Variants in PDE4B observed in about 807,000 individuals in gnomAD.
PDE4B encodes the protein phosphodiesterase 4B, also known as 3',5'-cyclic-AMP phosphodiesterase 4B.
A neutral mutation model predicts 82.2 loss-of-function variants in PDE4B; 20 were observed. That is an observed-to-expected ratio of 0.24 (90% CI 0.17 to 0.35). The LOEUF (loss-of-function observed/expected upper bound fraction) is 0.35, where lower values mean the gene tolerates loss of function less well. Ranked by LOEUF, PDE4B falls within the 10% of genes least tolerant of loss-of-function variation. The probability of loss-of-function intolerance (pLI) is 1.00; values close to 1 mark genes in which losing one functional copy is unlikely to be tolerated. For missense variants in PDE4B, 655 were observed against 907.2 expected (o/e 0.72, Z 3.57); for synonymous variants, 320 against 318.9 (o/e 1.00, Z -0.04).
At chr1:66,114,993 G>A (rs575764561) in intron 3 of PDE4B, among the ~76,000 whole-genome samples, 4 of 152,270 alleles carry the variant, frequency 2.6e-5, no homozygotes, top group Admixed American at 2.6e-4. Context: ...AAATTGGGGA[G>A]TTTACAATCC....
chr1:65,894,562 T>C (rs1646888336), intron 1 of PDE4B, among the ~76,000 whole-genome samples: 1 of 152,150 alleles, frequency 6.6e-6, no homozygotes, highest in Non-Finnish European at 1.5e-5. Flanking sequence ...TTAAAAGACA[T>C]TGTGCAGAAA....
At chr1:66,198,815 G>C (rs1648582938) in intron 3 of PDE4B, among the ~76,000 whole-genome samples, 1 of 148,500 alleles carries the variant, frequency 6.7e-6, no homozygotes, top group Admixed American at 6.8e-5. Context: ...CTGTGTCCAT[G>C]TGTTCTCGTT....
chr1:66,198,770 C>T (rs1570449369), intron 3 of PDE4B, among the ~76,000 whole-genome samples: 1 of 151,922 alleles, frequency 6.6e-6, no homozygotes, highest in Non-Finnish European at 1.5e-5. Context: ...TTCCCCCCAC[C>T]CCACAACAGT....
chr1:66,237,133 A>G (rs1304556308), intron 3 of PDE4B, among the ~76,000 whole-genome samples: 1 of 152,124 alleles, frequency 6.6e-6, no homozygotes, highest in Non-Finnish European at 1.5e-5. Context: ...TTCCACTTCT[A>G]CTTTCTCTGC....
chr1:65,904,326 C>T (rs1647004331), intron 1 of PDE4B, among the ~76,000 whole-genome samples: 1 of 152,016 alleles, frequency 6.6e-6, no homozygotes, highest in African/African-American at 2.4e-5. Flanking sequence ...GGATCAAAGT[C>T]TAATTTAGAA....
Position 66,174,827 on chromosome 1 carries a change from G to A in PDE4B, c.282-72633G>A, listed in dbSNP as rs562504269. Among the ~76,000 whole-genome samples the A allele has an allele frequency of 5.3e-5, 8 of 152,154 alleles. No homozygotes were observed. The South Asian group carries it at 1.7e-3, about 32-fold the overall frequency. On this transcript the variant is annotated intron_variant, in intron 3 of 16. Transcript: ENST00000341517. ...GAGACTGGGTAATTTATAAAGAAAA[G>A]AGATTTGATTTACTCGCAGTTCCAC...
Position 65,872,663 on chromosome 1 carries a change from T to A in PDE4B, c.-70-40582T>A, listed in dbSNP as rs1422234215. 2.0e-5 allele frequency among the ~76,000 whole-genome samples: 3 copies of A among 152,222 alleles called. No individual in the cohort carries two copies. The East Asian group carries it at 5.8e-4, about 29-fold the overall frequency. On this transcript the variant is annotated intron_variant, in intron 1 of 16. Transcript: ENST00000341517. ...GACAGTGTTAATGGATGTGGAATTT[T>A]CTCTGTCCTCAGTCAGCATGCTTCA...
At chr1:65,973,321 A>T (rs1347625704) in intron 3 of PDE4B, among the ~76,000 whole-genome samples, 2 of 151,886 alleles carry the variant, frequency 1.3e-5, no homozygotes, top group East Asian at 3.8e-4. Flanking sequence ...GATTTTATGT[A>T]TAAAATAATA....
intron 3 of PDE4B, among the ~76,000 whole-genome samples, chr1:66,076,827 T>G (rs922155997): frequency 6.6e-6 from 1 of 152,180 alleles, no homozygotes; most frequent in African/African-American, 2.4e-5. Context: ...GAAGTGTCCT[T>G]TCATGTTCTT....
At chr1:66,088,188 G>A (rs1644936323) in intron 3 of PDE4B, among the ~76,000 whole-genome samples, 1 of 152,012 alleles carries the variant, frequency 6.6e-6, no homozygotes, top group South Asian at 2.1e-4. Flanking sequence ...GGAGGACACA[G>A]TGAATCTGAA....
intron 3 of PDE4B, among the ~76,000 whole-genome samples, chr1:65,945,096 C>T (rs1648641362): frequency 6.6e-6 from 1 of 151,986 alleles, no homozygotes; most frequent in African/African-American, 2.4e-5. Context: ...ACTCCCTGCC[C>T]ATGTGTTCTC....
At chr1:65,870,162 T>C (rs1646557296) in intron 1 of PDE4B, among the ~76,000 whole-genome samples, 1 of 152,152 alleles carries the variant, frequency 6.6e-6, no homozygotes, top group Non-Finnish European at 1.5e-5. Context: ...CCCAAGAGGG[T>C]TAGTTCTTAT....
intron 3 of PDE4B, among the ~76,000 whole-genome samples, chr1:66,140,247 TG>T (rs1646145582): frequency 6.6e-6 from 1 of 152,110 alleles, no homozygotes; most frequent in Non-Finnish European, 1.5e-5. Context: ...TCCTGTGTAG[TG>T]CCAATCTTGC....
intron 3 of PDE4B, among the ~76,000 whole-genome samples, chr1:66,229,550 G>C (rs976576445): frequency 8.5e-5 from 13 of 152,176 alleles, no homozygotes; most frequent in Non-Finnish European, 1.5e-4. Context: ...TCATAGACAT[G>C]GGGGTTCATA....
At chr1:65,958,921 C>A (rs1649408619) in intron 3 of PDE4B, among the ~76,000 whole-genome samples, 1 of 152,172 alleles carries the variant, frequency 6.6e-6, no homozygotes, top group Non-Finnish European at 1.5e-5. Context: ...ATGTTCGTAA[C>A]TGCATATCAG....
chr1:65,944,375 T>A (rs1412653263), intron 3 of PDE4B, among the ~76,000 whole-genome samples: 3 of 151,898 alleles, frequency 2.0e-5, no homozygotes. Flanking sequence ...TATTTTGTGA[T>A]GATTTTTGCA....
At chr1:66,032,432 T>C (rs1172999299) in intron 3 of PDE4B, among the ~76,000 whole-genome samples, 1 of 152,198 alleles carries the variant, frequency 6.6e-6, no homozygotes, top group Non-Finnish European at 1.5e-5. Context: ...AGTGTATCCA[T>C]TTTGAATAAT....
chr1:66,157,692 G>C (rs916533227), intron 3 of PDE4B, among the ~76,000 whole-genome samples: 3 of 151,944 alleles, frequency 2.0e-5, no homozygotes, highest in African/African-American at 7.3e-5. Context: ...AATTATTTAT[G>C]ATCTCTCTTT....
At chr1:66,270,182 C>T (rs1279532201) in intron 7 of PDE4B, among the ~76,000 whole-genome samples, 1 of 152,180 alleles carries the variant, frequency 6.6e-6, no homozygotes, top group Non-Finnish European at 1.5e-5. Flanking sequence ...TGATTTTCAA[C>T]ACCAGTCAAT....
Sources: gnomAD v4.1 joint callset for allele counts (sites outside exome capture counted in the v4.1 genomes callset) on GRCh38, gnomAD v4.1.1 for gene constraint, MANE v1.5 for transcripts, NCBI Gene and HGNC (gene_info 2026-07-23, HGNC 2026-07-21) for gene names.